Variants in DDX4 observed in about 807,000 individuals in gnomAD.
DDX4 encodes the protein DEAD-box helicase 4.
DDX4 carries 25 observed loss-of-function variants against 100.0 expected under a neutral mutation model. The observed-to-expected ratio is 0.25, with a 90% CI of 0.18 to 0.35. DDX4 has a LOEUF of 0.35. Among genes scored for constraint, DDX4 ranks in the 10% least tolerant of loss-of-function variants. The pLI, the probability that DDX4 is intolerant of heterozygous loss-of-function variation, is 1.00. For missense variants in DDX4, 635 were observed against 882.4 expected, an observed-to-expected ratio of 0.72 and a Z score of 3.55; for synonymous variants, 259 against 275.7, an observed-to-expected ratio of 0.94 and a Z score of 0.60.
At position 55,776,585 on chromosome 5, in the gene DDX4, C is replaced by G. The variant is rs115127315; in HGVS notation, c.395-3379C>G. ...ATTATATTCACAACAGAATTTTCTT[C>G]AGTAAAGGTAGATTTCAGAATGTAA... On this transcript the variant is annotated intron_variant, in intron 7 of 21. Coordinates refer to ENST00000505374, the MANE Select transcript of DDX4 (RefSeq NM_024415.3). Among the ~76,000 whole-genome samples, 343 of 152,196 alleles carry G rather than the reference C, an allele frequency of 2.3e-3. 3 individuals are homozygous for G. The highest frequency in any genetic ancestry group is 2.4e-3 in the Non-Finnish European group (161 of 68,012).
intron 19 of DDX4, 88 bp from the exon 20 acceptor site, chr5:55,814,813 T>C (rs1744301040): frequency 6.9e-7 from 1 of 1,451,704 alleles, no homozygotes; most frequent in Admixed American, 2.1e-5. Flanking sequence ...CATACTATTA[T>C]TAAAAAGAAA....
At chr5:55,753,437 C>T (rs1467215587) in intron 3 of DDX4, among the ~76,000 whole-genome samples, 6 of 152,024 alleles carry the variant, frequency 3.9e-5, no homozygotes, top group African/African-American at 1.4e-4. Context: ...GAATCCTTTC[C>T]CCATTGCTTG....
intron 17 of DDX4, among the ~76,000 whole-genome samples, chr5:55,797,676 C>T (rs1196098946): frequency 2.0e-5 from 3 of 152,130 alleles, no homozygotes; most frequent in South Asian, 4.1e-4. Context: ...CCCATTTATC[C>T]CTAAAAACTC....
At chr5:55,808,645 A>G (rs1421111961) in intron 18 of DDX4, among the ~76,000 whole-genome samples, 1 of 152,238 alleles carries the variant, frequency 6.6e-6, no homozygotes, top group Non-Finnish European at 1.5e-5. Flanking sequence ...ATTGGTGAAC[A>G]GCAGATATTG....
chr5:55,739,245 A>G (rs774985361), intron 2 of DDX4, among the ~76,000 whole-genome samples: 11 of 152,240 alleles, frequency 7.2e-5, no homozygotes, highest in Non-Finnish European at 1.5e-4. Flanking sequence ...AAATAGATGT[A>G]AAAATATTAA....
At chr5:55,797,260 A>G (rs1743022437) in intron 17 of DDX4, among the ~76,000 whole-genome samples, 1 of 152,186 alleles carries the variant, frequency 6.6e-6, no homozygotes, top group Non-Finnish European at 1.5e-5. Context: ...TGTTCAGTAA[A>G]CATTAACTAT....
intron 3 of DDX4, among the ~76,000 whole-genome samples, chr5:55,753,831 ATCC>A (rs1759739585): frequency 1.5e-5 from 2 of 129,626 alleles, no homozygotes; most frequent in African/African-American, 5.9e-5. Context: ...ATTTGTTTGT[ATCC>A]TCTTTTATTT....
intron 7 of DDX4, among the ~76,000 whole-genome samples, chr5:55,775,182 A>G (rs1741482913): frequency 6.6e-6 from 1 of 152,212 alleles, no homozygotes; most frequent in South Asian, 2.1e-4. Flanking sequence ...TCCATGTTGT[A>G]GCATGCATCA....
intron 3 of DDX4, among the ~76,000 whole-genome samples, chr5:55,757,802 G>A (rs1185226856): frequency 6.6e-6 from 1 of 152,276 alleles, no homozygotes; most frequent in East Asian, 1.9e-4. Context: ...CCAGCACTAT[G>A]GGAGGCTGAG....
chr5:55,768,033 C>T (rs751383476), intron 7 of DDX4, 93 bp downstream of exon 7: 8 of 1,162,476 alleles, frequency 6.9e-6, no homozygotes, highest in South Asian at 2.5e-5. Context: ...AAACACTGAT[C>T]GTGAAAACCT....
At chr5:55,769,663 A>G (rs1741136352) in intron 7 of DDX4, among the ~76,000 whole-genome samples, 1 of 152,238 alleles carries the variant, frequency 6.6e-6, no homozygotes, top group African/African-American at 2.4e-5. Flanking sequence ...GAAAAAAACA[A>G]TTTTAAAATT....
At chr5:55,787,808 G>A in intron 14 of DDX4, 38 bp from the exon 15 acceptor site, 1 of 1,599,134 alleles carries the variant, frequency 6.3e-7, no homozygotes, top group Non-Finnish European at 8.5e-7. Flanking sequence ...TAAAAGTGTT[G>A]TGCTATAAGT....
intron 6 of DDX4, among the ~76,000 whole-genome samples, chr5:55,765,021 T>C (rs1445612538): frequency 1.3e-5 from 2 of 152,198 alleles, no homozygotes; most frequent in Non-Finnish European, 2.9e-5. Flanking sequence ...ATTTTAATTA[T>C]CAAATGAGAC....
At chr5:55,799,478 C>T (rs1235366185) in intron 18 of DDX4, among the ~76,000 whole-genome samples, 2 of 152,156 alleles carry the variant, frequency 1.3e-5, no homozygotes, top group Non-Finnish European at 2.9e-5. Context: ...CAGGCTCAAG[C>T]AGTTCTTCCA....
chr5:55,743,622 G>T (rs1010696045), intron 2 of DDX4, among the ~76,000 whole-genome samples: 8 of 152,122 alleles, frequency 5.3e-5, no homozygotes. Context: ...TAGAGATGGG[G>T]TTACACCATG....
At chr5:55,761,588 A>G (rs1740552055) in intron 4 of DDX4, among the ~76,000 whole-genome samples, 2 of 151,190 alleles carry the variant, frequency 1.3e-5, no homozygotes, top group Non-Finnish European at 2.9e-5. Flanking sequence ...TTCTTCTAAC[A>G]TTTTATATAG....
intron 17 of DDX4, among the ~76,000 whole-genome samples, chr5:55,795,403 T>C (rs1223121726): frequency 1.3e-5 from 2 of 152,260 alleles, no homozygotes; most frequent in African/African-American, 4.8e-5. Flanking sequence ...ATTGGCATCA[T>C]GATCTTTTAA....
chr5:55,785,547 C>A, intron 12 of DDX4, 53 bp downstream of exon 12: 2 of 1,414,250 alleles, frequency 1.4e-6, no homozygotes, highest in Non-Finnish European at 2.0e-6. Context: ...TTTAATAATG[C>A]TTAAGTATTT....
At chr5:55,763,613 T>G (rs186964524) in intron 5 of DDX4, among the ~76,000 whole-genome samples, 3 of 152,084 alleles carry the variant, frequency 2.0e-5, no homozygotes, top group African/African-American at 7.2e-5. Context: ...GAGGAGAAAA[T>G]CATTGAGTTA....
Sources: allele counts gnomAD v4.1 joint callset (sites outside exome capture counted in the v4.1 genomes callset), GRCh38; gene constraint gnomAD v4.1.1; transcripts MANE v1.5; gene names NCBI Gene and HGNC (gene_info 2026-07-23, HGNC 2026-07-21).